EFNA5: variants seen among roughly 807,000 people sequenced by gnomAD.
EFNA5 encodes the protein ephrin A5, also known as ephrin-A5.
In EFNA5, 5 loss-of-function variants were observed where a neutral mutation model predicts 22.9. The observed-to-expected ratio is 0.22, with a 90% CI of 0.11 to 0.46. The LOEUF is 0.46. Among genes scored for constraint, EFNA5 ranks in the 20% least tolerant of loss-of-function variants. The pLI is 0.99. For missense variants in EFNA5, 237 were observed against 293.3 expected (o/e 0.81, Z 1.40); for synonymous variants, 113 against 112.2 (o/e 1.01, Z -0.04).
At chr5:107,557,610 G>A (rs893206825) in intron 1 of EFNA5, among the ~76,000 whole-genome samples, 8 of 152,312 alleles carry the variant, frequency 5.3e-5, no homozygotes, top group East Asian at 1.9e-4. Flanking sequence ...TCTTCTACAC[G>A]CTGCCGGCTC....
intron 1 of EFNA5, among the ~76,000 whole-genome samples, chr5:107,430,180 A>G (rs951001308): frequency 6.6e-6 from 1 of 152,176 alleles, no homozygotes. Flanking sequence ...GTTGCTTTTA[A>G]AAGATTTTTG....
rs114061970 is a variant in EFNA5 at position 107,630,504 on chromosome 5, G to T, written c.125+39985C>A. Among the ~76,000 whole-genome samples, 449 of 151,906 alleles carry T rather than the reference G, an allele frequency of 3.0e-3. 2 individuals carry two copies. The highest frequency in any genetic ancestry group is 4.8e-3 in the Non-Finnish European group (326 of 67,958). On this transcript the variant is annotated intron_variant, in intron 1 of 4. Transcript: ENST00000333274. ...GCACAGTAAAATTATGTTATAAAAA[G>T]ATTAAAAAATGGTACACCTATATAG... is the stretch of plus-strand genomic sequence containing the variant.
At chr5:107,661,128 AG>A (rs1561463158) in intron 1 of EFNA5, among the ~76,000 whole-genome samples, 2 of 94,850 alleles carry the variant, frequency 2.1e-5, no homozygotes, top group Non-Finnish European at 2.4e-5. Flanking sequence ...AAAAAAAAAA[AG>A]AAGAAGAAGA....
At chr5:107,487,241 G>C (rs867518912) in intron 1 of EFNA5, among the ~76,000 whole-genome samples, 1 of 152,000 alleles carries the variant, frequency 6.6e-6, no homozygotes, top group African/African-American at 2.4e-5. Context: ...TCTTCCCCCC[G>C]GGTGAACACC....
chr5:107,394,423 T>C (rs1409627963), intron 2 of EFNA5, among the ~76,000 whole-genome samples: 1 of 152,172 alleles, frequency 6.6e-6, no homozygotes, highest in East Asian at 1.9e-4. Flanking sequence ...ATGTTTCTTT[T>C]AAAAACCAGA....
intron 1 of EFNA5, among the ~76,000 whole-genome samples, chr5:107,579,445 T>G (rs1748994801): frequency 6.6e-6 from 1 of 152,128 alleles, no homozygotes; most frequent in Admixed American, 6.5e-5. Flanking sequence ...GCTGCTGAAG[T>G]CTTTTCTTTA....
At position 107,670,649 on chromosome 5, in the gene EFNA5, C is replaced by A; in HGVS notation, c.-36G>T. 1 of 1,592,098 alleles carries A rather than the reference C, an allele frequency of 6.3e-7. No homozygotes were observed. The highest frequency in any genetic ancestry group is 8.5e-7 in the Non-Finnish European group (1 of 1,170,084). The stretch of plus-strand genomic sequence containing the variant: ...CAGCGGCGGAGCCCCCGACGCGCCA[C>A]TCCGGGGAGAGAGCGGGGATCCGGA... On this transcript the variant is annotated 5_prime_UTR_variant, in exon 1 of 5. Transcript: ENST00000333274.
At position 107,389,081 on chromosome 5, in the gene EFNA5, T is replaced by A. The variant is rs1438007610; in HGVS notation, c.419-1310A>T. Among the ~76,000 whole-genome samples, 5 of 152,328 alleles carry A rather than the reference T, an allele frequency of 3.3e-5. No homozygotes were observed. The East Asian group carries it at 9.7e-4, about 29-fold the overall frequency. ...GTCCCCAGTGTCCCTATTCAACACC[T>A]GTTGAAAACTACTTTAATTTTAAAA... is the stretch of plus-strand genomic sequence containing the variant. On this transcript the variant is annotated intron_variant, in intron 2 of 4. Transcript: ENST00000333274.
At chr5:107,396,111 A>G (rs1317552899) in intron 2 of EFNA5, among the ~76,000 whole-genome samples, 2 of 152,244 alleles carry the variant, frequency 1.3e-5, no homozygotes, top group African/African-American at 4.8e-5. Context: ...AGTTAATACA[A>G]TTCAAAGAAG....
At chr5:107,636,032 C>T (rs1750366551) in intron 1 of EFNA5, among the ~76,000 whole-genome samples, 1 of 152,184 alleles carries the variant, frequency 6.6e-6, no homozygotes, top group Non-Finnish European at 1.5e-5. Flanking sequence ...AAATGAGTCA[C>T]TTAAGCTACC....
intron 1 of EFNA5, among the ~76,000 whole-genome samples, chr5:107,482,853 T>C (rs1343032149): frequency 2.5e-5 from 2 of 79,996 alleles, no homozygotes; most frequent in Non-Finnish European, 5.0e-5. Context: ...TCTCTCTCTC[T>C]CTCTCTCTCT....
intron 1 of EFNA5, among the ~76,000 whole-genome samples, chr5:107,462,493 T>C (rs1055608208): frequency 2.6e-5 from 4 of 152,146 alleles, no homozygotes; most frequent in Non-Finnish European, 5.9e-5. Context: ...TAAACGGCTA[T>C]GGGTCCACAC....
intron 1 of EFNA5, among the ~76,000 whole-genome samples, chr5:107,572,936 G>A (rs935153533): frequency 6.6e-6 from 1 of 152,138 alleles, no homozygotes; most frequent in Non-Finnish European, 1.5e-5. Context: ...TGTAATACTG[G>A]CTTGTGTGTT....
At chr5:107,608,036 C>A (rs1283306555) in intron 1 of EFNA5, among the ~76,000 whole-genome samples, 3 of 152,154 alleles carry the variant, frequency 2.0e-5, no homozygotes. Flanking sequence ...ATGAGGAAAA[C>A]AACGTTCAGC....
chr5:107,618,459 C>T (rs1749969252), intron 1 of EFNA5, among the ~76,000 whole-genome samples: 1 of 152,144 alleles, frequency 6.6e-6, no homozygotes, highest in African/African-American at 2.4e-5. Flanking sequence ...TAGCTATATT[C>T]CTCAGGCCAG....
intron 2 of EFNA5, among the ~76,000 whole-genome samples, chr5:107,404,428 G>A (rs1032431648): frequency 6.6e-6 from 1 of 152,126 alleles, no homozygotes; most frequent in African/African-American, 2.4e-5. Context: ...TTGACATGGA[G>A]CTTGGTGGAA....
chr5:107,506,248 T>C (rs1363234384), intron 1 of EFNA5: 1 of 152,210 alleles, frequency 6.6e-6, no homozygotes, highest in Non-Finnish European at 1.5e-5. Context: ...GGAACTATAT[T>C]ATAACTATTT....
intron 1 of EFNA5, among the ~76,000 whole-genome samples, chr5:107,618,810 T>G (rs781373982): frequency 5.9e-5 from 9 of 152,322 alleles, no homozygotes; most frequent in Middle Eastern, 3.4e-3. Context: ...TAAAAAGGAA[T>G]GAGGTATCTT....
At chr5:107,418,820 G>A (rs1367138407) in intron 2 of EFNA5, among the ~76,000 whole-genome samples, 2 of 152,020 alleles carry the variant, frequency 1.3e-5, no homozygotes, top group Non-Finnish European at 2.9e-5. Flanking sequence ...TCTATTAAGC[G>A]GTGATATCTG....
Sources: allele counts gnomAD v4.1 joint callset (sites outside exome capture counted in the v4.1 genomes callset), GRCh38; gene constraint gnomAD v4.1.1; transcripts MANE v1.5; gene names NCBI Gene and HGNC (gene_info 2026-07-23, HGNC 2026-07-21).